ANKRD16: variants seen among roughly 807,000 people sequenced by gnomAD.
ANKRD16 encodes the protein ankyrin repeat domain-containing protein 16.
A neutral mutation model predicts 37.9 loss-of-function variants in ANKRD16; 35 were observed. The observed-to-expected ratio is 0.92, with a 90% CI of 0.71 to 1.23. ANKRD16 has a LOEUF of 1.23. Among genes scored for constraint, ANKRD16 ranks in the 50% most tolerant of loss-of-function variants. The probability of loss-of-function intolerance (pLI) is 0.00; values close to 1 mark genes in which losing one functional copy is unlikely to be tolerated. For missense variants in ANKRD16, 480 were observed against 469.9 expected, an observed-to-expected ratio of 1.02 and a Z score of -0.20; for synonymous variants, 206 against 197.2, an observed-to-expected ratio of 1.04 and a Z score of -0.37.
At chr10:5,873,994 G>A (rs570542917) in intron 7 of ANKRD16, among the ~76,000 whole-genome samples, 2 of 151,936 alleles carry the variant, frequency 1.3e-5, no homozygotes, top group East Asian at 3.9e-4. Flanking sequence ...GGGTTCCAGT[G>A]ATTCTCCTGC....
At chr10:5,867,750 T>C (rs1215835900) in intron 7 of ANKRD16, among the ~76,000 whole-genome samples, 2 of 152,162 alleles carry the variant, frequency 1.3e-5, no homozygotes, top group African/African-American at 4.8e-5. Flanking sequence ...ATAGCCAGTT[T>C]ATCTACTTCA....
chr10:5,880,965 C>CA (rs1554796646), intron 5 of ANKRD16: 1 of 136,756 alleles, frequency 7.3e-6, no homozygotes, highest in East Asian at 2.0e-4. Context: ...CTAATTTATT[C>CA]TTTTTTTTTT....
chr10:5,881,336 G>GA (rs1564417815), intron 5 of ANKRD16, among the ~76,000 whole-genome samples: 1 of 149,620 alleles, frequency 6.7e-6, no homozygotes, highest in Non-Finnish European at 1.5e-5. Flanking sequence ...ATCTTTAGGG[G>GA]AGAGATAAAC....
In ANKRD16 at chr10:5,866,354, T is replaced by A. The variant is rs1433350518; in HGVS notation, c.*34-3663A>T. ...ACCTTAATCTATATACTGATGAAAG[T>A]TCATTTGTGGTGGAGAATTGGATAC... On this transcript the variant is annotated intron_variant, in intron 7 of 7. Coordinates refer to ENST00000380094, the MANE Select transcript of ANKRD16 (RefSeq NM_019046.3). The surrounding 1 kb of genome is among the most constrained non-coding windows in gnomAD (Gnocchi z 4.3). 6.6e-6 allele frequency among the ~76,000 whole-genome samples: 1 copy of A among 152,176 alleles called. No individual in the cohort carries two copies. The highest frequency in any genetic ancestry group is 2.4e-5 in the African/African-American group (1 of 41,446).
At chr10:5,886,225 G>C (rs1385714904) in intron 2 of ANKRD16, among the ~76,000 whole-genome samples, 1 of 152,128 alleles carries the variant, frequency 6.6e-6, no homozygotes, top group East Asian at 1.9e-4. Context: ...GTTTCTCCAG[G>C]GGAGAAACTG....
At chr10:5,873,381 C>A (rs910152831) in intron 7 of ANKRD16, among the ~76,000 whole-genome samples, 1 of 150,886 alleles carries the variant, frequency 6.6e-6, no homozygotes, top group Non-Finnish European at 1.5e-5. Context: ...ACCATATTAG[C>A]CAGGCTAGTC....
chr10:5,863,255 G>T lies in ANKRD16; in HGVS notation c.*34-564C>A, dbSNP rs902585011. 4.3e-4 allele frequency among the ~76,000 whole-genome samples: 65 copies of T among 152,100 alleles called. No homozygotes were observed. Among genetic ancestry groups the T allele is most frequent in the African/African-American group, 1.5e-3 (64 of 41,486 alleles). On this transcript the variant is annotated intron_variant, in intron 7 of 7. Transcript: ENST00000380094. This position sits in a 1 kb window ranked among gnomAD's most constrained non-coding sequence, Gnocchi z 4.7. ...TGCCAGAAGAATCAGTCCTCCAGAT[G>T]GGTGGGCAGCACTGGGCCTGAGGTG...
At chr10:5,887,576 G>A (rs1038317660) in intron 2 of ANKRD16, among the ~76,000 whole-genome samples, 1 of 152,134 alleles carries the variant, frequency 6.6e-6, no homozygotes, top group Non-Finnish European at 1.5e-5. Context: ...TAGAGACGGC[G>A]TTTCACCATG....
rs1422263395 is a variant in ANKRD16, at chr10:5,881,438, T to TTATAAATATATATATATATATA, written c.850-1063_850-1062insTATATATATATATATATTTATA. ...ATATTTTATAAAATAAAAATATTAT[T>TTATAAATATATATATATATATA]TATATATATATATATATATATATAT... is the stretch of plus-strand genomic sequence containing the variant. On this transcript the variant is annotated intron_variant, in intron 5 of 7. Transcript: ENST00000380094. 3.9e-3 allele frequency among the ~76,000 whole-genome samples: 198 copies of TTATAAATATATATATATATATA among 50,972 alleles called. 18 individuals are homozygous for TTATAAATATATATATATATATA. Among genetic ancestry groups the TTATAAATATATATATATATATA allele is most frequent in the Middle Eastern group, 0.012 (1 of 82 alleles). 33.4% of individuals were successfully genotyped at this position (50,972 alleles called of 152,430 possible). A position where few individuals can be genotyped will look rare whatever the true frequency, so the allele number is the denominator to read the frequency against.
chr10:5,881,323 G>A (rs1311527022), intron 5 of ANKRD16, among the ~76,000 whole-genome samples: 1 of 150,182 alleles, frequency 6.7e-6, no homozygotes, highest in East Asian at 1.9e-4. Flanking sequence ...ACTCTTTGTT[G>A]AAATCTTTAG....
chr10:5,873,068 C>T (rs570305263), intron 7 of ANKRD16, among the ~76,000 whole-genome samples: 337 of 139,906 alleles, frequency 2.4e-3, no homozygotes, highest in Non-Finnish European at 3.0e-3. Flanking sequence ...CTTGCTCTGT[C>T]GCCCAGGCTG....
rs998246703 is a variant in ANKRD16 at position 5,889,874 on chromosome 10, C to T, written c.-520G>A. The stretch of plus-strand genomic sequence containing the variant: ...AGGCCCAAGCGTGACCTGCCCCGCA[C>T]GCGTCCTCAGGGCCGCCCCAGCCTC... On this transcript the variant is annotated 5_prime_UTR_variant, in exon 1 of 8. The change creates a new upstream start codon in the 5' untranslated region. Transcript: ENST00000380094. 6.2e-6 allele frequency: 1 copy of T among 160,406 alleles called. No homozygotes were observed. Among genetic ancestry groups the T allele is most frequent in the Non-Finnish European group, 1.4e-5 (1 of 73,618 alleles). The allele number at this position is 160,406 out of a possible 1,614,324, so 9.9% of individuals were successfully genotyped here. A position where few individuals can be genotyped will look rare whatever the true frequency, so the allele number is the denominator to read the frequency against.
At chr10:5,884,739 T>TAAAAAA (rs34030686) in intron 3 of ANKRD16, among the ~76,000 whole-genome samples, 2 of 120,112 alleles carry the variant, frequency 1.7e-5, no homozygotes, top group African/African-American at 3.2e-5. Context: ...TCTCAAAAAC[T>TAAAAAA]AAAAAAAAAA....
chr10:5,888,280 G>T (rs1411041703), intron 1 of ANKRD16, among the ~76,000 whole-genome samples: 1 of 152,170 alleles, frequency 6.6e-6, no homozygotes, highest in African/African-American at 2.4e-5. Flanking sequence ...TGTAACGAAC[G>T]TGTACCTAGA....
intron 7 of ANKRD16, among the ~76,000 whole-genome samples, chr10:5,872,093 A>T (rs2131758876): frequency 6.6e-6 from 1 of 152,124 alleles, no homozygotes; most frequent in Non-Finnish European, 1.5e-5. Context: ...AACACACAAG[A>T]CTCAATATGG....
intron 7 of ANKRD16, among the ~76,000 whole-genome samples, chr10:5,873,959 T>C (rs627303): frequency 0.83 from 125,342 of 151,468 alleles, 52,269 homozygotes; most frequent in Admixed American, 0.88. Flanking sequence ...GTGGTGATCT[T>C]GGTTCACTGC....
chr10:5,884,150 C>G, intron 3 of ANKRD16, 73 bp from the exon 4 acceptor site: 2 of 1,128,496 alleles, frequency 1.8e-6, no homozygotes, highest in South Asian at 1.3e-5. Flanking sequence ...GACACCTGAT[C>G]ACCTGCAGGT....
intron 7 of ANKRD16, 105 bp downstream of exon 7, chr10:5,877,992 G>C: frequency 7.8e-7 from 1 of 1,273,988 alleles, no homozygotes; most frequent in Non-Finnish European, 1.1e-6. Context: ...AGCAGGAGTG[G>C]AACATGCAGG....
At chr10:5,882,091 C>T (rs1434102421) in intron 5 of ANKRD16, among the ~76,000 whole-genome samples, 1 of 152,024 alleles carries the variant, frequency 6.6e-6, no homozygotes, top group Non-Finnish European at 1.5e-5. Flanking sequence ...TTTATACACT[C>T]TTTGTCTAGC....
Sources: gnomAD v4.1 joint callset for allele counts (sites outside exome capture counted in the v4.1 genomes callset) on GRCh38, gnomAD v4.1.1 for gene constraint, Gnocchi (gnomAD v3.1) non-coding constraint, MANE v1.5 for transcripts, NCBI Gene and HGNC (gene_info 2026-07-23, HGNC 2026-07-21) for gene names.